Variants in CADM2 observed in about 807,000 individuals in gnomAD.
CADM2 encodes cell adhesion molecule 2, also known as immunoglobulin superfamily member 4D.
In CADM2, 12 loss-of-function variants were observed where a neutral mutation model predicts 49.8. The ratio of observed to expected loss-of-function variants is 0.24; its 90% CI spans 0.15 to 0.39. The LOEUF is 0.39. Ranked by LOEUF, CADM2 falls within the 10% of genes least tolerant of loss-of-function variation. CADM2 has a pLI of 1.00. For synonymous variants in CADM2, 214 were observed against 175.4 expected (o/e 1.22, Z -1.74); for missense variants, 378 against 492.3 (o/e 0.77, Z 2.20).
chr3:85,947,530 T>G (rs1722890840), intron 7 of CADM2, among the ~76,000 whole-genome samples: 1 of 151,560 alleles, frequency 6.6e-6, no homozygotes, highest in Non-Finnish European at 1.5e-5. Context: ...ATTGGAAAAT[T>G]CATTCTAAAT....
At chr3:86,017,168 G>GTGTATA (rs1260899564) in intron 8 of CADM2, among the ~76,000 whole-genome samples, 12 of 141,546 alleles carry the variant, frequency 8.5e-5, no homozygotes, top group African/African-American at 2.3e-4. Flanking sequence ...GTGTGTGTGT[G>GTGTATA]TATATATATA....
At chr3:85,415,075 T>C (rs955205340) in intron 1 of CADM2, among the ~76,000 whole-genome samples, 4 of 152,192 alleles carry the variant, frequency 2.6e-5, no homozygotes, top group African/African-American at 9.6e-5. Context: ...AAGCTTATTC[T>C]AAACCGCTGA....
At chr3:85,550,171 C>A (rs1277702810) in intron 1 of CADM2, among the ~76,000 whole-genome samples, 1 of 152,130 alleles carries the variant, frequency 6.6e-6, no homozygotes, top group East Asian at 1.9e-4. Context: ...CATTCTGCCC[C>A]TGCGTTTCTG....
intron 1 of CADM2, among the ~76,000 whole-genome samples, chr3:85,508,356 T>C (rs993643908): frequency 2.6e-5 from 4 of 152,206 alleles, no homozygotes; most frequent in African/African-American, 7.2e-5. Context: ...CTCTGTCTTA[T>C]ACTATGATCT....
At chr3:85,973,032 A>C (rs551623344) in intron 8 of CADM2, among the ~76,000 whole-genome samples, 1 of 151,738 alleles carries the variant, frequency 6.6e-6, no homozygotes, top group Non-Finnish European at 1.5e-5. Flanking sequence ...ATACTCCTTT[A>C]GACTGGAAGA....
intron 1 of CADM2, among the ~76,000 whole-genome samples, chr3:85,519,286 G>A (rs1484573458): frequency 2.0e-5 from 3 of 152,032 alleles, no homozygotes; most frequent in African/African-American, 7.2e-5. Context: ...CCTTTACAAA[G>A]TAAAGAATAC....
intron 1 of CADM2, among the ~76,000 whole-genome samples, chr3:85,413,864 T>G (rs2035791144): frequency 6.6e-6 from 1 of 151,040 alleles, no homozygotes; most frequent in African/African-American, 2.5e-5. Context: ...ACTGGCTAGC[T>G]ATTTTAATTT....
chr3:85,497,047 C>T (rs2107657357), intron 1 of CADM2, among the ~76,000 whole-genome samples: 1 of 152,148 alleles, frequency 6.6e-6, no homozygotes, highest in East Asian at 1.9e-4. Context: ...AGGGATTTCA[C>T]CATGTTGGCC....
intron 1 of CADM2, among the ~76,000 whole-genome samples, chr3:85,407,045 T>TA (rs2035416827): frequency 1.3e-5 from 2 of 151,712 alleles, no homozygotes; most frequent in Admixed American, 6.6e-5. Flanking sequence ...AAAATAAAAA[T>TA]AAAAAAATTA....
chr3:85,062,555 A>ATTT (rs2036371347), intron 1 of CADM2, among the ~76,000 whole-genome samples: 1 of 152,008 alleles, frequency 6.6e-6, no homozygotes, highest in Non-Finnish European at 1.5e-5. Flanking sequence ...TACTAAAAAT[A>ATTT]ATTTTTAAAA....
chr3:85,706,303 T>G (rs1158725822), intron 1 of CADM2, among the ~76,000 whole-genome samples: 1 of 152,226 alleles, frequency 6.6e-6, no homozygotes, highest in Non-Finnish European at 1.5e-5. Context: ...TTTATTTCTA[T>G]CCAATTTGCC....
At chr3:85,610,132 T>C (rs1050611087) in intron 1 of CADM2, among the ~76,000 whole-genome samples, 5 of 151,948 alleles carry the variant, frequency 3.3e-5, no homozygotes, top group Admixed American at 1.3e-4. Flanking sequence ...TAATGAACCA[T>C]AAGGATCTAT....
At chr3:85,833,651 T>C (rs2074280973) in intron 3 of CADM2, among the ~76,000 whole-genome samples, 1 of 151,814 alleles carries the variant, frequency 6.6e-6, no homozygotes, top group African/African-American at 2.4e-5. Flanking sequence ...TTCCCCATTG[T>C]GTATTCTTGG....
intron 1 of CADM2, among the ~76,000 whole-genome samples, chr3:85,368,721 G>T (rs1371765833): frequency 6.6e-6 from 1 of 151,780 alleles, no homozygotes; most frequent in Non-Finnish European, 1.5e-5. Context: ...TTTTATCCTG[G>T]CAGGAAAAAT....
At chr3:85,213,349 T>C (rs187564776) in intron 1 of CADM2, among the ~76,000 whole-genome samples, 154 of 147,318 alleles carry the variant, frequency 1.0e-3, no homozygotes, top group African/African-American at 3.6e-3. Flanking sequence ...TATTCTAGTA[T>C]AATTTTTTTT....
chr3:85,053,711 T>C (rs2107415439), intron 1 of CADM2, among the ~76,000 whole-genome samples: 1 of 152,062 alleles, frequency 6.6e-6, no homozygotes, highest in East Asian at 1.9e-4. Flanking sequence ...GAATTGTTTT[T>C]AGAAAAAATG....
intron 1 of CADM2, among the ~76,000 whole-genome samples, chr3:85,291,600 C>A (rs971340156): frequency 1.4e-5 from 2 of 147,216 alleles, no homozygotes; most frequent in Non-Finnish European, 2.9e-5. Flanking sequence ...TTGGCAGAAA[C>A]CCTACAAGCC....
At chr3:85,027,356 C>A (rs2034782414) in intron 1 of CADM2, among the ~76,000 whole-genome samples, 2 of 151,740 alleles carry the variant, frequency 1.3e-5, no homozygotes, top group African/African-American at 4.8e-5. Context: ...CTTCGTGATC[C>A]CACCTTGGCC....
intron 1 of CADM2, among the ~76,000 whole-genome samples, chr3:85,208,942 C>A (rs776652731): frequency 6.6e-6 from 1 of 152,042 alleles, no homozygotes; most frequent in Non-Finnish European, 1.5e-5. Flanking sequence ...ACCTCCTAAA[C>A]CTGTGCTACA....
Sources: gnomAD v4.1 joint callset for allele counts (sites outside exome capture counted in the v4.1 genomes callset) on GRCh38, gnomAD v4.1.1 for gene constraint, MANE v1.5 for transcripts, NCBI Gene and HGNC (gene_info 2026-07-23, HGNC 2026-07-21) for gene names.